CROCC: variants seen among roughly 807,000 people sequenced by gnomAD.
The protein encoded by CROCC is rootletin.
CROCC carries 180 observed loss-of-function variants against 245.2 expected under a neutral mutation model. The observed-to-expected ratio is 0.73, with a 90% confidence interval of 0.65 to 0.83. The LOEUF is 0.83. CROCC is among the 40% of genes least tolerant of loss of function. The pLI is 0.00. For synonymous variants in CROCC, 1,205 were observed against 1,241.6 expected (o/e 0.97, Z 0.62); for missense variants, 2,688 against 2,779.4 (o/e 0.97, Z 0.74).
chr1:16,915,702 C>A (rs1315131697), intron 1 of CROCC, among the ~76,000 whole-genome samples: 1 of 152,172 alleles, frequency 6.6e-6, no homozygotes, highest in African/African-American at 2.4e-5. Flanking sequence ...GGAACAGCCA[C>A]TGGAGGGACC....
chr1:16,956,737 A>G (rs1184204663), intron 25 of CROCC, among the ~76,000 whole-genome samples: 4 of 152,186 alleles, frequency 2.6e-5, no homozygotes, highest in African/African-American at 9.7e-5. Flanking sequence ...GTAAAAAAAA[A>G]AAAAAATCCT....
Position 16,958,682 on chromosome 1 carries a change from C to A in CROCC, c.3964C>A (p.Arg1322=). 2.6e-6 allele frequency: 4 copies of A among 1,557,332 alleles called. No homozygotes were observed. The highest frequency in any genetic ancestry group is 3.5e-6 in the Non-Finnish European group (4 of 1,151,242). ...LGERAEKESR[R]ETLGLRQRLL... is the part of the protein sequence containing the mutation. ...CGAGCGGGCAGAGAAGGAGAGCAGG[C>A]GGGAGACCCTGGGCCTCCGGCAGAG... is the stretch of plus-strand genomic sequence containing the variant. Residue 1322 remains arginine (R), a synonymous_variant, in exon 26 of 37, where the codon CGG becomes AGG. Coordinates refer to ENST00000375541, the MANE Select transcript of CROCC (RefSeq NM_014675.5).
In CROCC at chr1:16,955,458, C is replaced by A. The variant is rs1197425198; in HGVS notation, c.3612C>A (p.Ser1204Arg). 1.3e-6 allele frequency: 2 copies of A among 1,591,914 alleles called. No homozygotes were observed. Among genetic ancestry groups the A allele is most frequent in the Non-Finnish European group, 1.7e-6 (2 of 1,172,444 alleles). ...QRQEAGELRR[S>R]LGEGAKEREA... ...AGGAGGCAGGCGAGCTGCGACGCAG[C>A]CTGGGCGAGGGTGCCAAGGAGCGCG... Residue 1204 changes from serine to arginine, a missense_variant, in exon 24 of 37, where the codon AGC becomes AGA. Physicochemically the swap from Ser to Arg is moderately radical, Grantham distance 110. Coordinates refer to ENST00000375541, the MANE Select transcript of CROCC (RefSeq NM_014675.5).
intron 31 of CROCC, among the ~76,000 whole-genome samples, chr1:16,968,759 C>T (rs2076462069): frequency 6.6e-6 from 1 of 152,216 alleles, no homozygotes; most frequent in Non-Finnish European, 1.5e-5. Context: ...TACGGCTAGC[C>T]TTGCCTGAAC....
intron 33 of CROCC, 37 bp downstream of exon 33, chr1:16,969,971 T>C (rs2076487527): frequency 2.6e-6 from 4 of 1,541,360 alleles, no homozygotes; most frequent in Non-Finnish European, 8.7e-7. Context: ...TCCCCAAGAC[T>C]GTGAGGCCCT....
Position 16,955,482 on chromosome 1 carries a change from C to G in CROCC, c.3636C>G (p.Arg1212=). Residue 1212 remains arginine, a synonymous_variant, in exon 24 of 37, where the codon CGC becomes CGG. Transcript: ENST00000375541. ...GCCTGGGCGAGGGTGCCAAGGAGCG[C>G]GAGGCCCTGCGGCGTTCCAATGAGG... ...RRSLGEGAKE[R]EALRRSNEEL... The G allele has an allele frequency of 6.3e-7, 1 of 1,583,534 alleles. No homozygotes were observed.
At position 16,969,156 on chromosome 1, in the gene CROCC, C is replaced by T. The variant is rs1181863960; in HGVS notation, c.5117C>T (p.Thr1706Ile). 1.9e-6 allele frequency: 3 copies of T among 1,609,618 alleles called. No homozygotes were observed. The highest frequency in any genetic ancestry group is 2.2e-5 in the South Asian group (2 of 90,072). ...GTGAAGGCAGGGACCCTGCAGCTGA[C>T]CGTGGAGCGGCTGAATGGGGCCCTG... ...SEVKAGTLQL[T>I]VERLNGALAK... is the part of the protein sequence containing the mutation. Residue 1706 changes from threonine to isoleucine, a missense_variant, in exon 32 of 37, where the codon ACC (threonine) becomes ATC (isoleucine). By Grantham distance (89) the Thr-to-Ile change is moderately conservative. Coordinates refer to ENST00000375541, the MANE Select transcript of CROCC (RefSeq NM_014675.5).
chr1:16,966,207 G>A lies in CROCC; in HGVS notation c.4696+88G>A, dbSNP rs914668534. The A allele has an allele frequency of 8.1e-5, 124 of 1,527,042 alleles. 1 individual carries two copies. The East Asian group carries it at 2.5e-3, about 31-fold the overall frequency. The allele number at this position is 1,527,042 out of a possible 1,614,324, so 94.6% of individuals were successfully genotyped here. A position where few individuals can be genotyped will look rare whatever the true frequency, so the allele number is the denominator to read the frequency against. On this transcript the variant is annotated intron_variant, in intron 29 of 36. Transcript: ENST00000375541. This position sits in a 1 kb window ranked among gnomAD's most constrained non-coding sequence, Gnocchi z 4.8. The stretch of plus-strand genomic sequence containing the variant: ...CGGGGGATTGGCCTCTGACCTTGCC[G>A]TGGCCCCCATGACCTGACTCGGGGC...
At chr1:16,940,776 G>C (rs1252320919) in intron 13 of CROCC, 18 of 273,382 alleles carry the variant, frequency 6.6e-5, no homozygotes, top group African/African-American at 2.7e-4. Flanking sequence ...TCCCAGGCTG[G>C]GGCACAATTG....
Position 16,945,542 on chromosome 1 carries a change from G to C in CROCC, c.2072G>C (p.Arg691Pro). The stretch of plus-strand genomic sequence containing the variant: ...GTGGAGGTGAGGGAGGCGCTGAGCC[G>C]CGCCACACTGCAACGGGACATGCTG... ...ELVEVREALS[R>P]ATLQRDMLQA... Residue 691 changes from arginine (R) to proline (P), a missense_variant, in exon 15 of 37, where the codon CGC becomes CCC. By Grantham distance (103) the Arg-to-Pro change is moderately radical. Coordinates refer to ENST00000375541, the MANE Select transcript of CROCC (RefSeq NM_014675.5). 6.2e-7 allele frequency: 1 copy of C among 1,610,282 alleles called. No homozygotes were observed. Among genetic ancestry groups the C allele is most frequent in the Non-Finnish European group, 8.5e-7 (1 of 1,178,840 alleles).
chr1:16,929,880 T>C lies in CROCC; in HGVS notation c.386T>C (p.Leu129Pro), dbSNP rs772235900. ...EQALRLEPGE[L>P]ETQEPRGLVR... The stretch of plus-strand genomic sequence containing the variant: ...GCTCTGCGGCTGGAGCCTGGGGAGC[T>C]GGAGACGCAGGAGCCCAGGGGGCTG... The change falls in exon 4 of 37, where the codon CTG becomes CCG. Residue 129 changes from leucine to proline, a missense_variant. Around this residue, in one of 9 missense-constraint regions of CROCC, gnomAD observed 972 missense variants for 895.3 expected, o/e 1.09. Transcript: ENST00000375541. The C allele has an allele frequency of 1.3e-6, 2 of 1,582,012 alleles. No homozygotes were observed. Among genetic ancestry groups the C allele is most frequent in the Non-Finnish European group, 8.6e-7 (1 of 1,167,802 alleles).
upstream of CROCC, among the ~76,000 whole-genome samples, chr1:16,920,119 G>A (rs186018504): frequency 1.5e-4 from 23 of 151,070 alleles, no homozygotes; most frequent in East Asian, 3.5e-3. Context: ...TTACTGTGTC[G>A]CCAGGCTGGA....
In CROCC at chr1:16,953,431, C is replaced by T. The variant is rs1453157487; in HGVS notation, c.3136C>T (p.Gln1046Ter). The T allele has an allele frequency of 1.2e-6, 2 of 1,610,618 alleles. No individual in the cohort carries two copies. The highest frequency in any genetic ancestry group is 1.7e-5 in the Admixed American group (1 of 60,024). The stretch of plus-strand genomic sequence containing the variant: ...GCTGAGTGAGGAGATTGCTGCCCTG[C>T]AGCAGGAGCGCGACGAGGGCCTCCT... ...EELSEEIAALQQERDEGLLLA... is the reference protein window; with the variant it reads ...EELSEEIAAL Residue 1046 changes from glutamine (Q) to a stop codon, truncating the protein, a stop_gained, in exon 21 of 37, where the codon CAG becomes TAG. Coordinates refer to ENST00000375541, the MANE Select transcript of CROCC (RefSeq NM_014675.5). LOFTEE classifies it high-confidence loss of function.
intron 25 of CROCC, among the ~76,000 whole-genome samples, chr1:16,958,075 G>A (rs775497247): frequency 6.6e-6 from 1 of 152,196 alleles, no homozygotes; most frequent in Non-Finnish European, 1.5e-5. Flanking sequence ...GTGTGTGTGG[G>A]CTGTGTGACT....
rs1029366722 is a variant in CROCC, at chr1:16,972,622, T to G, written c.*176T>G. 1.7e-5 allele frequency: 9 copies of G among 538,392 alleles called. No individual in the cohort carries two copies. Among genetic ancestry groups the G allele is most frequent in the African/African-American group, 1.6e-4 (8 of 50,658 alleles). The allele number at this position is 538,392 out of a possible 1,614,324, so 33.4% of individuals were successfully genotyped here. A position where few individuals can be genotyped will look rare whatever the true frequency, so the allele number is the denominator to read the frequency against. On this transcript the variant is annotated 3_prime_UTR_variant, in exon 37 of 37. Transcript: ENST00000375541. ...ACTCCAGCTCCAGGCCTGGAGAGGC[T>G]TCCCAGCAACACCTGCAGTCCAGCC...
intron 26 of CROCC, among the ~76,000 whole-genome samples, chr1:16,960,004 C>T (rs1019128521): frequency 4.0e-5 from 6 of 151,736 alleles, no homozygotes; most frequent in African/African-American, 1.5e-4. Flanking sequence ...CAGTGGCTCA[C>T]ACCTGTAATC....
In CROCC at chr1:16,946,952, G is replaced by C; in HGVS notation, c.2475G>C (p.Leu825=). ...QEALEQQLPT[L]RHERSQLQEQ... ...CATTGGAGCAGCAGCTCCCCACGCT[G>C]CGCCATGAGCGCAGCCAGCTGCAGG... Residue 825 remains leucine (L), a synonymous_variant, in exon 17 of 37, where the codon CTG becomes CTC. Coordinates refer to ENST00000375541, the MANE Select transcript of CROCC (RefSeq NM_014675.5). 1 of 1,556,824 alleles carries C rather than the reference G, an allele frequency of 6.4e-7. No individual in the cohort carries two copies. Among genetic ancestry groups the C allele is most frequent in the South Asian group, 1.2e-5 (1 of 84,396 alleles).
intron 27 of CROCC, among the ~76,000 whole-genome samples, chr1:16,963,333 G>A (rs1387730668): frequency 6.6e-6 from 1 of 152,002 alleles, no homozygotes; most frequent in East Asian, 1.9e-4. Context: ...GAGTAGGGAG[G>A]TCCTGAGTGG....
At chr1:16,947,102 G>A in intron 17 of CROCC, 111 bp downstream of exon 17, 1 of 1,042,112 alleles carries the variant, frequency 9.6e-7, no homozygotes, top group Non-Finnish European at 1.4e-6. Flanking sequence ...GCCTGCTTCT[G>A]GGTTAAATCC....
Sources: gnomAD v4.1 joint callset for allele counts (sites outside exome capture counted in the v4.1 genomes callset) on GRCh38, gnomAD v4.1.1 for gene constraint, gnomAD v4.1.1 regional missense constraint, Gnocchi (gnomAD v3.1) non-coding constraint, MANE v1.5 for transcripts, NCBI Gene and HGNC (gene_info 2026-07-23, HGNC 2026-07-21) for gene names.